The following HAO1 variants were observed in gnomAD, a reference collection of about 807,000 sequenced individuals.
The protein encoded by HAO1 is 2-Hydroxyacid oxidase 1.
Under a neutral mutation model 39.7 loss-of-function variants are expected in HAO1, and 34 were observed. The ratio of observed to expected loss-of-function variants is 0.86; its 90% CI spans 0.65 to 1.14. The LOEUF is 1.14. Among genes scored for constraint, HAO1 ranks in the 50% most tolerant of loss-of-function variants. HAO1 has a pLI of 0.00. For synonymous variants in HAO1, 172 were observed against 173.2 expected, an observed-to-expected ratio of 0.99 and a Z score of 0.05; for missense variants, 479 against 464.5, an observed-to-expected ratio of 1.03 and a Z score of -0.29.
At chr20:7,893,326 A>G (rs954438488) in intron 5 of HAO1, among the ~76,000 whole-genome samples, 8 of 152,170 alleles carry the variant, frequency 5.3e-5, no homozygotes, top group Non-Finnish European at 1.0e-4. Flanking sequence ...GGAGAAACTT[A>G]GTTCATACTT....
chr20:7,921,251 T>G (rs1384599067), intron 2 of HAO1, among the ~76,000 whole-genome samples: 1 of 151,920 alleles, frequency 6.6e-6, no homozygotes, highest in East Asian at 1.9e-4. Flanking sequence ...CTTAAACAAA[T>G]CAACATGACA....
chr20:7,914,041 G>T lies in HAO1; in HGVS notation c.545+123C>A, dbSNP rs2050293943. 7 of 1,007,480 alleles carry T rather than the reference G, an allele frequency of 6.9e-6. No individual in the cohort carries two copies. The East Asian group carries it at 1.2e-4, about 18-fold the overall frequency. The allele number at this position is 1,007,480 out of a possible 1,614,324, so 62.4% of individuals were successfully genotyped here. On this transcript the variant is annotated intron_variant, in intron 3 of 7. Transcript: ENST00000378789. ...TCAAAAAAAGTGATGTCTACAAAAG[G>T]GATGTGATTAGCTGAAGATTAACTA...
chr20:7,937,645 T>C (rs1002774053), intron 1 of HAO1, among the ~76,000 whole-genome samples: 1 of 151,382 alleles, frequency 6.6e-6, no homozygotes, highest in Non-Finnish European at 1.5e-5. Context: ...TCTTCCATCA[T>C]TGATAATTTC....
intron 7 of HAO1, 24 bp from the exon 8 acceptor site, chr20:7,883,687 A>C: frequency 6.8e-7 from 1 of 1,464,912 alleles, no homozygotes; most frequent in Non-Finnish European, 9.6e-7. Flanking sequence ...GCATACATTT[A>C]ATATGAACTG....
intron 2 of HAO1, among the ~76,000 whole-genome samples, chr20:7,930,570 G>A (rs747213688): frequency 3.3e-5 from 5 of 152,154 alleles, no homozygotes; most frequent in African/African-American, 9.7e-5. Context: ...TGAATTGAAG[G>A]AATGGGGAAG....
At chr20:7,886,010 T>C (rs1555772166) in intron 5 of HAO1, 146 bp from the exon 6 acceptor site, 1 of 613,130 alleles carries the variant, frequency 1.6e-6, no homozygotes, top group East Asian at 2.9e-5. Flanking sequence ...ATTATTTCCT[T>C]CTCAAAGAAG....
chr20:7,897,650 A>G (rs1568511024), intron 4 of HAO1, among the ~76,000 whole-genome samples: 1 of 151,944 alleles, frequency 6.6e-6, no homozygotes, highest in East Asian at 1.9e-4. Context: ...TTTATGCTCT[A>G]ATTTTCTTTT....
At chr20:7,889,564 G>A (rs1057014790) in intron 5 of HAO1, among the ~76,000 whole-genome samples, 1 of 152,116 alleles carries the variant, frequency 6.6e-6, no homozygotes, top group African/African-American at 2.4e-5. Context: ...TTTTTCTGGG[G>A]TGTAGCAGAG....
chr20:7,891,146 T>G (rs899578380), intron 5 of HAO1, among the ~76,000 whole-genome samples: 2 of 152,238 alleles, frequency 1.3e-5, no homozygotes, highest in Non-Finnish European at 2.9e-5. Flanking sequence ...GTGGCTGTAC[T>G]AGTTTACATT....
chr20:7,901,237 T>A, intron 4 of HAO1, among the ~76,000 whole-genome samples: 1 of 152,160 alleles, frequency 6.6e-6, no homozygotes, highest in East Asian at 1.9e-4. Context: ...GAGATCTAGC[T>A]AAGAAAATTG....
chr20:7,915,509 C>T (rs1370024069), intron 2 of HAO1, among the ~76,000 whole-genome samples: 1 of 152,204 alleles, frequency 6.6e-6, no homozygotes, highest in Non-Finnish European at 1.5e-5. Context: ...CTACTCTGCA[C>T]ATTTGAACTT....
chr20:7,923,686 C>A (rs1458726021), intron 2 of HAO1, among the ~76,000 whole-genome samples: 1 of 152,122 alleles, frequency 6.6e-6, no homozygotes. Context: ...ATCCCAGGCT[C>A]TGATCAGGGC....
At chr20:7,922,920 A>G (rs972081646) in intron 2 of HAO1, among the ~76,000 whole-genome samples, 1 of 152,160 alleles carries the variant, frequency 6.6e-6, no homozygotes, top group Non-Finnish European at 1.5e-5. Context: ...AAAATGGGCT[A>G]CGGCCAGTGG....
chr20:7,891,037 A>T (rs1412883273), intron 5 of HAO1, among the ~76,000 whole-genome samples: 3 of 152,110 alleles, frequency 2.0e-5, no homozygotes, highest in Non-Finnish European at 4.4e-5. Flanking sequence ...TCGAATAATG[A>T]CTTATTTTCC....
chr20:7,885,097 G>A (rs75442989), intron 7 of HAO1, among the ~76,000 whole-genome samples: 4,547 of 152,200 alleles, frequency 0.03, 226 homozygotes, highest in African/African-American at 0.1. Flanking sequence ...TGAAACTATG[G>A]GATTAACATG....
chr20:7,893,495 C>A (rs2050183407), intron 5 of HAO1, among the ~76,000 whole-genome samples: 1 of 152,116 alleles, frequency 6.6e-6, no homozygotes, highest in Non-Finnish European at 1.5e-5. Context: ...CTGAACCTCC[C>A]CAAATTGCTC....
intron 4 of HAO1, among the ~76,000 whole-genome samples, chr20:7,896,932 G>A (rs996733809): frequency 6.6e-6 from 1 of 152,132 alleles, no homozygotes; most frequent in Non-Finnish European, 1.5e-5. Context: ...TCTTCTGTCT[G>A]AGTTGAATAT....
chr20:7,925,487 C>T (rs1374775292), intron 2 of HAO1, among the ~76,000 whole-genome samples: 1 of 152,144 alleles, frequency 6.6e-6, no homozygotes, highest in Non-Finnish European at 1.5e-5. Flanking sequence ...TAGGGCAGAA[C>T]TCTGCAACAG....
intron 2 of HAO1, among the ~76,000 whole-genome samples, chr20:7,924,137 G>A (rs2050347913): frequency 6.6e-6 from 1 of 152,024 alleles, no homozygotes; most frequent in African/African-American, 2.4e-5. Context: ...TTCGCATAAT[G>A]GCCCCTCAGT....
Sources: gnomAD v4.1 joint callset for allele counts (sites outside exome capture counted in the v4.1 genomes callset) on GRCh38, gnomAD v4.1.1 for gene constraint, MANE v1.5 for transcripts, NCBI Gene and HGNC (gene_info 2026-07-23, HGNC 2026-07-21) for gene names.